Variants in NRXN3 observed in about 807,000 individuals in gnomAD.
NRXN3 encodes neurexin 3.
A neutral mutation model predicts 137.6 loss-of-function variants in NRXN3; 32 were observed. That is an observed-to-expected ratio of 0.23 (90% CI 0.18 to 0.31). The LOEUF (loss-of-function observed/expected upper bound fraction) is 0.31. Among genes scored for constraint, NRXN3 ranks in the 10% least tolerant of loss-of-function variants. NRXN3 has a pLI of 1.00. For missense variants in NRXN3, 1,574 were observed against 2,062.5 expected (o/e 0.76, Z 4.59); for synonymous variants, 798 against 784.5 (o/e 1.02, Z -0.29).
At chr14:78,934,766 C>T (rs1218178913) in intron 10 of NRXN3, among the ~76,000 whole-genome samples, 10 of 151,574 alleles carry the variant, frequency 6.6e-5, no homozygotes, top group Admixed American at 2.0e-4. Flanking sequence ...ACAGTGAGAA[C>T]ACATGGACAC....
At chr14:79,358,851 C>T (rs1666858598) in intron 15 of NRXN3, among the ~76,000 whole-genome samples, 1 of 152,102 alleles carries the variant, frequency 6.6e-6, no homozygotes, top group African/African-American at 2.4e-5. Flanking sequence ...GCCTTATCCT[C>T]ATACCCTTAA....
intron 2 of NRXN3, among the ~76,000 whole-genome samples, chr14:78,259,746 TG>T (rs1242767229): frequency 6.6e-6 from 1 of 152,130 alleles, no homozygotes; most frequent in Non-Finnish European, 1.5e-5. Flanking sequence ...TCTCTAGGAC[TG>T]GGGGTGGGGG....
intron 4 of NRXN3, among the ~76,000 whole-genome samples, chr14:78,346,753 T>C (rs981826056): frequency 6.6e-6 from 1 of 152,102 alleles, no homozygotes; most frequent in Admixed American, 6.5e-5. Context: ...GGACATGTGG[T>C]TGAGACACAA....
intron 15 of NRXN3, among the ~76,000 whole-genome samples, chr14:79,124,797 A>T (rs543671079): frequency 6.6e-6 from 1 of 152,306 alleles, no homozygotes; most frequent in African/African-American, 2.4e-5. Flanking sequence ...TCAATGTATA[A>T]GTTTATAAGT....
At chr14:79,404,000 A>G (rs1347312791) in intron 15 of NRXN3, among the ~76,000 whole-genome samples, 1 of 152,218 alleles carries the variant, frequency 6.6e-6, no homozygotes, top group African/African-American at 2.4e-5. Flanking sequence ...CTGCTAAAGA[A>G]TAGGAAGACA....
At chr14:79,543,638 T>C (rs2097294165) in intron 16 of NRXN3, among the ~76,000 whole-genome samples, 1 of 152,096 alleles carries the variant, frequency 6.6e-6, no homozygotes, top group Non-Finnish European at 1.5e-5. Context: ...CTTGAAAAAT[T>C]TGGAGCTGAT....
chr14:79,409,201 A>C (rs2153509729), intron 15 of NRXN3, among the ~76,000 whole-genome samples: 1 of 152,176 alleles, frequency 6.6e-6, no homozygotes, highest in South Asian at 2.1e-4. Context: ...TTAACAAAGT[A>C]ACAGGAGCTC....
At chr14:79,535,045 T>A (rs963298845) in intron 16 of NRXN3, among the ~76,000 whole-genome samples, 8 of 152,190 alleles carry the variant, frequency 5.3e-5, no homozygotes, top group Non-Finnish European at 7.3e-5. Flanking sequence ...AAGTGTCTTC[T>A]AGAGCTATTT....
chr14:78,739,189 T>G (rs1008515806), intron 8 of NRXN3, among the ~76,000 whole-genome samples: 3 of 152,236 alleles, frequency 2.0e-5, no homozygotes, highest in African/African-American at 7.2e-5. Flanking sequence ...AATAGTAGTT[T>G]AGGCAAATAA....
rs35028709 is a variant in NRXN3 at position 79,806,962 on chromosome 14, A to ATTT, written c.4093+1803_4093+1805dup. On this transcript the variant is annotated intron_variant, in intron 20 of 20. Transcript: ENST00000335750. ...TTTATATATATATATATATATATAT[A>ATTT]TTTTTTTTTTTTTTTTTTTTTTTTT... 3.8e-4 allele frequency among the ~76,000 whole-genome samples: 10 copies of ATTT among 26,358 alleles called. 1 individual carries two copies. In the East Asian group the frequency reaches 5.8e-3, roughly 15 times the overall value. 17.3% of individuals were successfully genotyped at this position (26,358 alleles called of 152,430 possible).
Position 78,644,945 on chromosome 14 carries a change from T to C in NRXN3, c.758-175T>C, listed in dbSNP as rs1215838137. 2.0e-5 allele frequency among the ~76,000 whole-genome samples: 3 copies of C among 152,366 alleles called. No homozygotes were observed. The East Asian group carries it at 5.8e-4, about 29-fold the overall frequency. ...GTCGTTTCTCTGCAGTCACCCCTGC[T>C]GCTAGTTTCCCTGGTGTTTCGATAT... On this transcript the variant is annotated intron_variant, in intron 4 of 20. Transcript: ENST00000335750.
At chr14:78,565,411 T>C (rs1302945997) in intron 4 of NRXN3, among the ~76,000 whole-genome samples, 1 of 152,174 alleles carries the variant, frequency 6.6e-6, no homozygotes, top group Non-Finnish European at 1.5e-5. Flanking sequence ...GCATCTGGGG[T>C]TTGGCACATC....
In NRXN3 at chr14:78,864,651, G is replaced by A. The variant is rs561145666; in HGVS notation, c.2275+54307G>A. 5.9e-5 allele frequency among the ~76,000 whole-genome samples: 9 copies of A among 152,236 alleles called. No individual in the cohort carries two copies. The South Asian group carries it at 1.9e-3, about 32-fold the overall frequency. Reference sequence around the variant, plus strand: ...AAGAGACAGATTAACAGGAAAAAAAGCATACAAATTAATATAATTTTTATG... The same window carrying A: ...AAGAGACAGATTAACAGGAAAAAAAACATACAAATTAATATAATTTTTATG... On this transcript the variant is annotated intron_variant, in intron 10 of 20. Coordinates refer to ENST00000335750, the MANE Select transcript of NRXN3 (RefSeq NM_001330195.2).
chr14:78,825,234 A>C (rs1227791621), intron 10 of NRXN3, among the ~76,000 whole-genome samples: 3 of 151,678 alleles, frequency 2.0e-5, no homozygotes, highest in Non-Finnish European at 4.4e-5. Context: ...GAAAAAGAAA[A>C]ATTTGCACCC....
At chr14:78,185,273 C>T (rs1021620494) in intron 1 of NRXN3, among the ~76,000 whole-genome samples, 2 of 152,180 alleles carry the variant, frequency 1.3e-5, no homozygotes, top group African/African-American at 2.4e-5. Flanking sequence ...GAGTAATGAC[C>T]TCCTGCCAGT....
In NRXN3 at chr14:78,421,318, A is replaced by AG. The variant is rs1027633347; in HGVS notation, c.757+123460dup. Among the ~76,000 whole-genome samples the AG allele has an allele frequency of 9.3e-4, 141 of 152,008 alleles. 1 individual carries two copies. Among genetic ancestry groups the AG allele is most frequent in the African/African-American group, 3.3e-3 (137 of 41,488 alleles). ...AACGTGATTACATTGTAGGAGCTGGAGGATTGTTACTAAATCATTCAAAAC... is the reference window on the plus strand; with the variant it reads ...AACGTGATTACATTGTAGGAGCTGGAGGGATTGTTACTAAATCATTCAAAAC... On this transcript the variant is annotated intron_variant, in intron 4 of 20. Transcript: ENST00000335750.
intron 15 of NRXN3, among the ~76,000 whole-genome samples, chr14:79,143,691 T>C (rs541414131): frequency 6.6e-6 from 1 of 152,256 alleles, no homozygotes; most frequent in Non-Finnish European, 1.5e-5. Context: ...ATGGCTTTGC[T>C]CACTCTTTAG....
chr14:78,768,447 T>C (rs2098716051), intron 8 of NRXN3, among the ~76,000 whole-genome samples: 1 of 152,176 alleles, frequency 6.6e-6, no homozygotes, highest in Non-Finnish European at 1.5e-5. Flanking sequence ...TAGGGGTCCT[T>C]AGTCATGAAT....
chr14:79,467,342 T>C lies in NRXN3; in HGVS notation c.3384T>C (p.Asp1128=). ...TGGGCTTCAGCACCACTGTGAAGGA[T>C]GGCATCTTGGTCCGCATCGACAGTG... ...LAVGFSTTVK[D]GILVRIDSAP... The change falls in exon 16 of 21, where the codon GAT becomes GAC. Residue 1128 remains aspartate (D), a synonymous_variant. Transcript: ENST00000335750. The C allele has an allele frequency of 6.2e-7, 1 of 1,613,650 alleles. No homozygotes were observed. The highest frequency in any genetic ancestry group is 8.5e-7 in the Non-Finnish European group (1 of 1,179,524).
Sources: gnomAD v4.1 joint callset for allele counts (sites outside exome capture counted in the v4.1 genomes callset) on GRCh38, gnomAD v4.1.1 for gene constraint, MANE v1.5 for transcripts, NCBI Gene and HGNC (gene_info 2026-07-23, HGNC 2026-07-21) for gene names.